The following MKLN1 variants were observed in gnomAD, a reference collection of about 807,000 sequenced individuals.
The protein encoded by MKLN1 is muskelin.
Under a neutral mutation model 99.0 loss-of-function variants are expected in MKLN1, and 18 were observed. The ratio of observed to expected loss-of-function variants is 0.18; its 90% CI spans 0.13 to 0.27. The LOEUF is 0.27. MKLN1 is among the 10% of genes least tolerant of loss of function. MKLN1 has a pLI of 1.00. For missense variants in MKLN1, 621 were observed against 875.9 expected (o/e 0.71, Z 3.67); for synonymous variants, 288 against 293.2 (o/e 0.98, Z 0.18).
Position 131,192,604 on chromosome 7 carries a change from C to T in MKLN1, c.-296-10253C>T, listed in dbSNP as rs374571644. On this transcript the variant is annotated intron_variant, in intron 2 of 7. Coordinates refer to the MKLN1 transcript ENST00000416992. ...TCGCCCAGGCTGGAGTGCAATGGCA[C>T]GATCTTAGCTCACTGCAACCTCCAC... Among the ~76,000 whole-genome samples the T allele has an allele frequency of 4.9e-4, 73 of 150,204 alleles. No individual in the cohort carries two copies. The South Asian group carries it at 0.01, about 21-fold the overall frequency.
intron 3 of MKLN1, among the ~76,000 whole-genome samples, chr7:131,312,843 C>T (rs1031835132): frequency 2.0e-5 from 3 of 152,134 alleles, no homozygotes; most frequent in Non-Finnish European, 4.4e-5. Flanking sequence ...ATGCAGAGCT[C>T]AGGACAAATG....
Position 131,263,368 on chromosome 7 carries a change from T to TAATAATAAAAATAAA in MKLN1, c.-179+60399_-179+60400insTAAAAATAAAAATAA, listed in dbSNP as rs373239401. Among the ~76,000 whole-genome samples the TAATAATAAAAATAAA allele has an allele frequency of 7.8e-5, 11 of 140,412 alleles. No individual in the cohort carries two copies. In the East Asian group the frequency reaches 2.4e-3, roughly 30 times the overall value. 92.1% of individuals were successfully genotyped at this position (140,412 alleles called of 152,430 possible). On this transcript the variant is annotated intron_variant, in intron 3 of 7. Transcript: ENST00000416992. ...TTATTAATAATAATAATAATAATAA[T>TAATAATAAAAATAAA]AATAAAATTAGCTGGGTGTGGTGGC...
Position 131,443,786 on chromosome 7 carries a change from A to G in MKLN1, c.1395+84A>G, listed in dbSNP as rs1009155984. 7 of 1,053,466 alleles carry G rather than the reference A, an allele frequency of 6.6e-6. No individual in the cohort carries two copies. The African/African-American group carries it at 1.1e-4, about 17-fold the overall frequency. 65.3% of individuals were successfully genotyped at this position (1,053,466 alleles called of 1,614,324 possible). On this transcript the variant is annotated intron_variant, in intron 11 of 17. Transcript: ENST00000352689. ...AAGAAGTGGTGAAATCTAATTCTTTAGGAAGAGATTAGTGTAGCAATGACA... is the reference window on the plus strand; with the variant it reads ...AAGAAGTGGTGAAATCTAATTCTTTGGGAAGAGATTAGTGTAGCAATGACA...
At chr7:131,177,941 CT>C (rs1206349838) in intron 2 of MKLN1, among the ~76,000 whole-genome samples, 1 of 152,178 alleles carries the variant, frequency 6.6e-6, no homozygotes, top group African/African-American at 2.4e-5. Context: ...TGTCTTCCTA[CT>C]CTGTCACCTT....
chr7:131,283,988 T>A (rs1250005570), intron 3 of MKLN1, among the ~76,000 whole-genome samples: 1 of 152,214 alleles, frequency 6.6e-6, no homozygotes, highest in African/African-American at 2.4e-5. Context: ...AATACTGCAA[T>A]GTAGTGCTCC....
chr7:131,470,866 T>C lies in MKLN1; in HGVS notation c.1953T>C (p.Asp651=). Residue 651 remains aspartate (D), a synonymous_variant, in exon 16 of 18, where the codon GAT becomes GAC. Transcript: ENST00000352689. ...GGTTTGAAGAAAAGGCCCAAGTGGA[T>C]CCCCTTAGTGCTCTGAAATATTTAC... ...KHRFEEKAQV[D]PLSALKYLQN... is the part of the protein sequence containing the mutation. 1 of 1,612,162 alleles carries C rather than the reference T, an allele frequency of 6.2e-7. No homozygotes were observed. Among genetic ancestry groups the C allele is most frequent in the Non-Finnish European group, 8.5e-7 (1 of 1,178,380 alleles).
intron 3 of MKLN1, among the ~76,000 whole-genome samples, chr7:131,213,029 C>G (rs1258234894): frequency 1.3e-5 from 2 of 151,992 alleles, no homozygotes; most frequent in Non-Finnish European, 2.9e-5. Context: ...GGCCCCTTAC[C>G]TACCGCCAAT....
chr7:131,486,196 CTT>C (rs1293186766), intron 17 of MKLN1, among the ~76,000 whole-genome samples: 2 of 150,708 alleles, frequency 1.3e-5, no homozygotes, highest in Non-Finnish European at 3.0e-5. Flanking sequence ...ATTCTTGAAA[CTT>C]TTCTGTGGGT....
Position 131,267,332 on chromosome 7 carries a change from A to AAAAT in MKLN1, c.-179+64380_-179+64383dup, listed in dbSNP as rs533014457. Among the ~76,000 whole-genome samples the AAAAT allele has an allele frequency of 8.8e-4, 134 of 152,142 alleles. No individual in the cohort carries two copies. In the East Asian group the frequency reaches 0.015, roughly 17 times the overall value. On this transcript the variant is annotated intron_variant, in intron 3 of 7. Coordinates refer to the MKLN1 transcript ENST00000416992. ...GGGCAACAAGCAAGACTCCATCTCA[A>AAAAT]AAATAAATAAATAAATAAATAAATA... is the stretch of plus-strand genomic sequence containing the variant.
intron 3 of MKLN1, among the ~76,000 whole-genome samples, chr7:131,250,400 A>G (rs1297458154): frequency 2.6e-5 from 4 of 152,112 alleles, no homozygotes; most frequent in African/African-American, 7.2e-5. Context: ...TCCAGATCCC[A>G]CTAGCTAGAG....
At chr7:131,375,349 T>G in intron 1 of MKLN1, 75 bp from the exon 2 acceptor site, 1 of 900,412 alleles carries the variant, frequency 1.1e-6, no homozygotes, top group Non-Finnish European at 1.9e-6. Context: ...TTATGATAAT[T>G]TCAGCATCTG....
intron 3 of MKLN1, among the ~76,000 whole-genome samples, chr7:131,230,570 C>T (rs2116473382): frequency 6.6e-6 from 1 of 152,294 alleles, no homozygotes; most frequent in East Asian, 1.9e-4. Flanking sequence ...CTAAGATTTC[C>T]AGTTTATCTG....
chr7:131,111,343 C>T (rs866208348), intron 1 of MKLN1, among the ~76,000 whole-genome samples: 41 of 152,292 alleles, frequency 2.7e-4, no homozygotes, highest in African/African-American at 9.9e-4. Flanking sequence ...GTTGTAGCAT[C>T]CTGGATTATT....
chr7:131,269,507 T>G (rs1797854465), intron 3 of MKLN1, among the ~76,000 whole-genome samples: 1 of 152,238 alleles, frequency 6.6e-6, no homozygotes, highest in African/African-American at 2.4e-5. Flanking sequence ...ACTGCATAAT[T>G]TCATCACCTT....
intron 3 of MKLN1, among the ~76,000 whole-genome samples, chr7:131,318,200 A>G (rs183887579): frequency 6.6e-6 from 1 of 152,314 alleles, no homozygotes; most frequent in Non-Finnish European, 1.5e-5. Context: ...AATTGACCAC[A>G]TAATAGGAAG....
chr7:131,432,711 G>A (rs976742477), intron 9 of MKLN1, among the ~76,000 whole-genome samples: 4 of 152,166 alleles, frequency 2.6e-5, no homozygotes, highest in African/African-American at 9.7e-5. Context: ...CTCCGAAAGT[G>A]CTGGGATTGC....
chr7:131,128,819 C>T (rs533587167), intron 1 of MKLN1, among the ~76,000 whole-genome samples: 4 of 151,380 alleles, frequency 2.6e-5, no homozygotes, highest in Admixed American at 6.6e-5. Flanking sequence ...AGCCTGGTCT[C>T]GAACTCCTGG....
intron 1 of MKLN1, among the ~76,000 whole-genome samples, chr7:131,338,560 A>G (rs998209984): frequency 6.6e-6 from 1 of 152,214 alleles, no homozygotes; most frequent in Admixed American, 6.5e-5. Flanking sequence ...CAGTTTTTCT[A>G]GTTTAAGAGG....
intron 2 of MKLN1, among the ~76,000 whole-genome samples, chr7:131,174,066 G>A (rs1403267816): frequency 6.9e-6 from 1 of 145,542 alleles, no homozygotes; most frequent in Non-Finnish European, 1.5e-5. Context: ...TCTGCCTCCC[G>A]GGTTCACGCC....
Sources: allele counts gnomAD v4.1 joint callset (sites outside exome capture counted in the v4.1 genomes callset), GRCh38; gene constraint gnomAD v4.1.1; transcripts MANE v1.5; gene names NCBI Gene and HGNC (gene_info 2026-07-23, HGNC 2026-07-21).